Variants in TENM4 observed in about 807,000 individuals in gnomAD.
TENM4 encodes teneurin-4.
TENM4 carries 82 observed loss-of-function variants against 243.3 expected under a neutral mutation model. The observed-to-expected ratio is 0.34, with a 90% CI of 0.28 to 0.40. The LOEUF (loss-of-function observed/expected upper bound fraction) is 0.40. TENM4 is among the 10% of genes least tolerant of loss of function. The pLI is 1.00. For synonymous variants in TENM4, 1,412 were observed against 1,456.3 expected (o/e 0.97, Z 0.69); for missense variants, 3,138 against 3,673.3 (o/e 0.85, Z 3.77).
intron 15 of TENM4, among the ~76,000 whole-genome samples, chr11:78,801,356 G>A (rs975988762): frequency 2.6e-5 from 4 of 152,184 alleles, no homozygotes; most frequent in African/African-American, 9.7e-5. Context: ...CCTATGTCCT[G>A]TGCTCTTCTG....
chr11:78,662,077 A>ATTAG, intron 32 of TENM4, among the ~76,000 whole-genome samples: 1 of 152,264 alleles, frequency 6.6e-6, no homozygotes, highest in Admixed American at 6.5e-5. Context: ...TTCAGGGTCA[A>ATTAG]AGTCCCACGG....
intron 1 of TENM4, among the ~76,000 whole-genome samples, chr11:79,312,840 TC>T (rs1856744369): frequency 6.6e-6 from 1 of 152,170 alleles, no homozygotes; most frequent in African/African-American, 2.4e-5. Flanking sequence ...AGTGGGCTGT[TC>T]CTTTCTCTTA....
intron 6 of TENM4, among the ~76,000 whole-genome samples, chr11:78,995,115 AT>A (rs1485628491): frequency 1.3e-5 from 2 of 152,328 alleles, no homozygotes; most frequent in South Asian, 2.1e-4. Context: ...TATGCACTAT[AT>A]TTCCTAGAAT....
chr11:78,802,312 C>T (rs1857297223), intron 15 of TENM4, among the ~76,000 whole-genome samples: 1 of 152,188 alleles, frequency 6.6e-6, no homozygotes, highest in Non-Finnish European at 1.5e-5. Flanking sequence ...GATTACATAA[C>T]CCGCTGAGGC....
intron 12 of TENM4, among the ~76,000 whole-genome samples, chr11:78,847,023 T>C (rs1424487123): frequency 6.6e-6 from 1 of 152,222 alleles, no homozygotes; most frequent in Non-Finnish European, 1.5e-5. Flanking sequence ...AAAATTCTGC[T>C]TTCCTACTTC....
intron 1 of TENM4, among the ~76,000 whole-genome samples, chr11:79,306,986 T>C (rs560221776): frequency 1.6e-4 from 25 of 152,330 alleles, no homozygotes; most frequent in Admixed American, 1.3e-3. Context: ...ATGTACCAGA[T>C]GTGCCTCTTT....
chr11:79,262,461 CT>C (rs527245608), intron 2 of TENM4, among the ~76,000 whole-genome samples: 357 of 152,264 alleles, frequency 2.3e-3, no homozygotes, highest in African/African-American at 8.4e-3. Context: ...GTCTTGATGA[CT>C]AAATTACTAC....
chr11:78,666,205 T>C (rs1858156408), intron 32 of TENM4, among the ~76,000 whole-genome samples: 1 of 152,214 alleles, frequency 6.6e-6, no homozygotes, highest in South Asian at 2.1e-4. Context: ...TTATATGAAA[T>C]CTCTTCTTTG....
chr11:79,381,029 C>A (rs1166886931), intron 1 of TENM4, among the ~76,000 whole-genome samples: 1 of 152,122 alleles, frequency 6.6e-6, no homozygotes, highest in Non-Finnish European at 1.5e-5. Flanking sequence ...AATGCAGGAG[C>A]CTAGAACACA....
intron 20 of TENM4, 148 bp from the exon 21 acceptor site, chr11:78,732,725 T>G: frequency 4.3e-6 from 4 of 932,932 alleles, no homozygotes; most frequent in Non-Finnish European, 6.1e-6. Flanking sequence ...AATATTTGAC[T>G]GCAGCTCCAA....
chr11:79,034,038 G>GA (rs1859312505), intron 6 of TENM4, among the ~76,000 whole-genome samples: 1 of 152,260 alleles, frequency 6.6e-6, no homozygotes, highest in East Asian at 1.9e-4. Flanking sequence ...TGCCTTTTAG[G>GA]AGCTGATTCT....
chr11:78,849,828 A>G (rs1858489467), intron 12 of TENM4, among the ~76,000 whole-genome samples: 2 of 152,264 alleles, frequency 1.3e-5, no homozygotes, highest in African/African-American at 4.8e-5. Context: ...GCAAGTCTTA[A>G]AGAATGTATG....
At position 79,232,046 on chromosome 11, in the gene TENM4, C is replaced by T. The variant is rs149917663; in HGVS notation, c.-264-16137G>A. ...AGTGAGACAAGATCATACCACTGCACTCCAGTCTGAGGGACAGGGTGAGAC... is the reference window on the plus strand; with the variant it reads ...AGTGAGACAAGATCATACCACTGCATTCCAGTCTGAGGGACAGGGTGAGAC... On this transcript the variant is annotated intron_variant, in intron 2 of 33. Coordinates refer to ENST00000278550, the MANE Select transcript of TENM4 (RefSeq NM_001098816.3). Among the ~76,000 whole-genome samples, 175 of 152,234 alleles carry T rather than the reference C, an allele frequency of 1.1e-3. 1 individual carries two copies. Among genetic ancestry groups the T allele is most frequent in the African/African-American group, 4.1e-3 (169 of 41,540 alleles).
chr11:78,698,519 T>G (rs565317740), intron 28 of TENM4, among the ~76,000 whole-genome samples: 28 of 152,168 alleles, frequency 1.8e-4, no homozygotes, highest in African/African-American at 5.5e-4. Context: ...AATAGAACAT[T>G]TCGGTTATAA....
chr11:78,745,149 T>C (rs1856018124), intron 19 of TENM4, among the ~76,000 whole-genome samples: 1 of 152,040 alleles, frequency 6.6e-6, no homozygotes, highest in Non-Finnish European at 1.5e-5. Flanking sequence ...TGATGTAATA[T>C]ACTATTACAT....
intron 1 of TENM4, among the ~76,000 whole-genome samples, chr11:79,333,247 T>C (rs11237792): frequency 1.3e-5 from 2 of 151,420 alleles, no homozygotes; most frequent in Admixed American, 6.6e-5. Flanking sequence ...TCCATCCATC[T>C]ATCCATCCAT....
chr11:79,325,650 A>C (rs577190110), intron 1 of TENM4, among the ~76,000 whole-genome samples: 2 of 152,308 alleles, frequency 1.3e-5, no homozygotes, highest in South Asian at 4.1e-4. Context: ...GGCAGTGTTT[A>C]TTATGAGCAA....
chr11:79,170,426 C>T (rs1056858011), intron 3 of TENM4, among the ~76,000 whole-genome samples: 1 of 152,108 alleles, frequency 6.6e-6, no homozygotes, highest in Non-Finnish European at 1.5e-5. Context: ...AATCCTAACC[C>T]CTAGTACCTT....
At chr11:79,189,117 T>C (rs1863431139) in intron 3 of TENM4, among the ~76,000 whole-genome samples, 1 of 152,200 alleles carries the variant, frequency 6.6e-6, no homozygotes, top group Admixed American at 6.5e-5. Context: ...TGTATGAATG[T>C]AAACACAGAT....
Sources: gnomAD v4.1 joint callset for allele counts (sites outside exome capture counted in the v4.1 genomes callset) on GRCh38, gnomAD v4.1.1 for gene constraint, MANE v1.5 for transcripts, NCBI Gene and HGNC (gene_info 2026-07-23, HGNC 2026-07-21) for gene names.